UNC45B: variants seen among roughly 807,000 people sequenced by gnomAD.
UNC45B encodes unc-45 myosin chaperone B, also known as protein unc-45 homolog B.
A neutral mutation model predicts 98.7 loss-of-function variants in UNC45B; 78 were observed. That is an observed-to-expected ratio of 0.79 (90% confidence interval 0.66 to 0.95). The LOEUF (loss-of-function observed/expected upper bound fraction) is 0.95. Among genes scored for constraint, UNC45B ranks in the 40% least tolerant of loss-of-function variants. The probability of loss-of-function intolerance (pLI) is 0.00; values close to 1 mark genes in which losing one functional copy is unlikely to be tolerated. For missense variants in UNC45B, 1,225 were observed against 1,184.9 expected (o/e 1.03, Z -0.50); for synonymous variants, 462 against 480.4 (o/e 0.96, Z 0.50).
intron 8 of UNC45B, among the ~76,000 whole-genome samples, chr17:35,162,106 G>A (rs1037584594): frequency 6.6e-6 from 1 of 152,102 alleles, no homozygotes; most frequent in African/African-American, 2.4e-5. Context: ...TAATAAATTG[G>A]TAATCTAGTA....
intron 8 of UNC45B, among the ~76,000 whole-genome samples, chr17:35,161,660 C>T (rs765235491): frequency 1.3e-5 from 2 of 152,166 alleles, no homozygotes; most frequent in Non-Finnish European, 2.9e-5. Flanking sequence ...TTTCCTGGCA[C>T]ACAGCTAACC....
At chr17:35,149,119 C>A (rs2091998169) in intron 3 of UNC45B, 110 bp downstream of exon 3, 2 of 1,274,498 alleles carry the variant, frequency 1.6e-6, no homozygotes, top group Non-Finnish European at 2.3e-6. Flanking sequence ...GGAGTGACTT[C>A]AGAAGGGAGA....
At position 35,177,129 on chromosome 17, in the gene UNC45B, G is replaced by C. The variant is rs137917897; in HGVS notation, c.2138G>C (p.Arg713Pro). The change falls in exon 16 of 20, where the codon CGG (arginine) becomes CCG (proline). Residue 713 changes from arginine to proline, a missense_variant and splice_region_variant. Coordinates refer to ENST00000394570, the MANE Select transcript of UNC45B (RefSeq NM_001267052.2). ...SNPDIAFPGE[R>P]VYEVVRPLVR... ...CCGGACATTGCTTTTCCTGGGGAGC[G>C]GGTAGGTGCTTGGGTAGATGGGATA... 100 of 1,613,856 alleles carry C rather than the reference G, an allele frequency of 6.2e-5. No homozygotes were observed. The highest frequency in any genetic ancestry group is 8.1e-5 in the Non-Finnish European group (95 of 1,179,922).
rs950630966 is a variant in UNC45B at position 35,159,372 on chromosome 17, C to T, written c.809-3C>T. On this transcript the variant is annotated splice_polypyrimidine_tract_variant and splice_region_variant and intron_variant, in intron 7 of 19. Coordinates refer to ENST00000394570, the MANE Select transcript of UNC45B (RefSeq NM_001267052.2). Reference sequence around the variant, plus strand: ...CTACTTACCCCGTCCTCTTTTTCTTCAGACACCAAGAAGGACCTGAAGCAG... The same window carrying T: ...CTACTTACCCCGTCCTCTTTTTCTTTAGACACCAAGAAGGACCTGAAGCAG... 1.9e-6 allele frequency: 3 copies of T among 1,608,274 alleles called. No homozygotes were observed. The highest frequency in any genetic ancestry group is 2.5e-6 in the Non-Finnish European group (3 of 1,176,880).
intron 4 of UNC45B, among the ~76,000 whole-genome samples, chr17:35,150,893 G>A (rs1487270506): frequency 6.6e-6 from 1 of 152,066 alleles, no homozygotes; most frequent in African/African-American, 2.4e-5. Flanking sequence ...AGGGATAGAG[G>A]AGAGCCAGGC....
In UNC45B at chr17:35,188,062, A is replaced by G. The variant is rs892846487; in HGVS notation, c.*1503A>G. 1.3e-5 allele frequency: 2 copies of G among 152,244 alleles called. No homozygotes were observed. The highest frequency in any genetic ancestry group is 6.5e-5 in the Admixed American group (1 of 15,284). The allele number at this position is 152,244 out of a possible 1,614,324, so 9.4% of individuals were successfully genotyped here. A position where few individuals can be genotyped will look rare whatever the true frequency, so the allele number is the denominator to read the frequency against. ...TGTTGCGGTATGGGCCAAATCCAACATAATACCCGCTGTACCTCTAGAGAA... is the reference window on the plus strand; with the variant it reads ...TGTTGCGGTATGGGCCAAATCCAACGTAATACCCGCTGTACCTCTAGAGAA... On this transcript the variant is annotated 3_prime_UTR_variant, in exon 20 of 20. Coordinates refer to ENST00000394570, the MANE Select transcript of UNC45B (RefSeq NM_001267052.2).
chr17:35,150,684 G>A (rs1302869614), intron 4 of UNC45B, among the ~76,000 whole-genome samples: 2 of 152,146 alleles, frequency 1.3e-5, no homozygotes, highest in African/African-American at 4.8e-5. Context: ...GGGAGGTGGA[G>A]GTTGCAGTGA....
intron 5 of UNC45B, among the ~76,000 whole-genome samples, chr17:35,154,289 T>C (rs2092042253): frequency 6.6e-6 from 1 of 152,282 alleles, no homozygotes; most frequent in South Asian, 2.1e-4. Context: ...CATTTGATCC[T>C]GATTCTGCAT....
chr17:35,165,700 T>G (rs1224823658), intron 9 of UNC45B, among the ~76,000 whole-genome samples: 1 of 152,060 alleles, frequency 6.6e-6, no homozygotes, highest in Non-Finnish European at 1.5e-5. Context: ...CACTTTGGGA[T>G]GCCGAGGAGC....
chr17:35,152,981 A>C lies in UNC45B; in HGVS notation c.470A>C (p.Lys157Thr). The C allele has an allele frequency of 6.2e-7, 1 of 1,611,702 alleles. No homozygotes were observed. The highest frequency in any genetic ancestry group is 8.5e-7 in the Non-Finnish European group (1 of 1,178,898). Residue 157 changes from lysine (K) to threonine (T), a missense_variant and splice_region_variant, in exon 5 of 20, where the codon AAG (lysine) becomes ACG (threonine). Transcript: ENST00000394570. ...AACAGTGAGGCTGATAAGCGGGAAA[A>C]GGTGAGTGCTGGCCAGTGCCATCCA... ...DENSEADKRE[K>T]AANNLIVLGR...
At chr17:35,176,070 G>A (rs775636586) in intron 15 of UNC45B, 36 bp downstream of exon 15, 1 of 1,603,602 alleles carries the variant, frequency 6.2e-7, no homozygotes, top group Non-Finnish European at 8.5e-7. Flanking sequence ...AGGTGCCTTT[G>A]TGCATGCTCT....
chr17:35,175,087 G>GAAAGAAAAAAGAAA (rs746415209), intron 14 of UNC45B, among the ~76,000 whole-genome samples: 4 of 93,822 alleles, frequency 4.3e-5, no homozygotes, highest in Non-Finnish European at 6.0e-5. Flanking sequence ...AAGAAAGAAA[G>GAAAGAAAAAAGAAA]AGAAAGAAAG....
Position 35,188,662 on chromosome 17 carries a change from A to G in UNC45B, c.*2103A>G, listed in dbSNP as rs541730312. On this transcript the variant is annotated 3_prime_UTR_variant, in exon 20 of 20. Transcript: ENST00000394570. ...GTAATTAAAAAATTTTTTTTTGTAG[A>G]GACAGGGTCTCACTATGTTGCCCAG... 1 of 152,164 alleles carries G rather than the reference A, an allele frequency of 6.6e-6. No homozygotes were observed. Among genetic ancestry groups the G allele is most frequent in the South Asian group, 2.1e-4 (1 of 4,824 alleles). The allele number at this position is 152,164 out of a possible 1,614,324, so 9.4% of individuals were successfully genotyped here.
At chr17:35,172,119 T>C (rs761654160) in intron 13 of UNC45B, among the ~76,000 whole-genome samples, 9 of 152,250 alleles carry the variant, frequency 5.9e-5, no homozygotes, top group Non-Finnish European at 1.3e-4. Flanking sequence ...TTATGTTACC[T>C]ACCAGAGGCT....
intron 10 of UNC45B, among the ~76,000 whole-genome samples, chr17:35,168,703 T>C (rs992320443): frequency 3.9e-5 from 6 of 152,164 alleles, no homozygotes; most frequent in African/African-American, 1.2e-4. Flanking sequence ...TTTTCCACTT[T>C]CATTTTACTT....
chr17:35,164,215 A>G (rs369333982), intron 9 of UNC45B, 49 bp downstream of exon 9: 6 of 1,536,978 alleles, frequency 3.9e-6, no homozygotes, highest in African/African-American at 2.8e-5. Flanking sequence ...TTGGTTATCT[A>G]TGGCTGTGTA....
At chr17:35,151,275 T>C (rs910185991) in intron 4 of UNC45B, 3 of 206,116 alleles carry the variant, frequency 1.5e-5, no homozygotes, top group Non-Finnish European at 3.1e-5. Flanking sequence ...TCAGAAGGAC[T>C]TGGGCCCCAC....
At chr17:35,149,045 A>G (rs2091997567) in intron 3 of UNC45B, 36 bp downstream of exon 3, 5 of 1,613,380 alleles carry the variant, frequency 3.1e-6, no homozygotes, top group Non-Finnish European at 3.4e-6. Context: ...GCCCTGTCAC[A>G]TTCTCCTCTG....
At chr17:35,151,262 C>G (rs576306705) in intron 4 of UNC45B, 11 of 223,402 alleles carry the variant, frequency 4.9e-5, no homozygotes, top group African/African-American at 2.4e-4. Context: ...TCGCGGGCCT[C>G]GATCAGAAGG....
Sources: gnomAD v4.1 joint callset for allele counts (sites outside exome capture counted in the v4.1 genomes callset) on GRCh38, gnomAD v4.1.1 for gene constraint, MANE v1.5 for transcripts, NCBI Gene and HGNC (gene_info 2026-07-23, HGNC 2026-07-21) for gene names.